The following ARL15 variants were observed in gnomAD, a reference collection of about 807,000 sequenced individuals.
ARL15 encodes the protein ARF like GTPase 15.
ARL15 carries 19 observed loss-of-function variants against 25.2 expected under a neutral mutation model. The ratio of observed to expected loss-of-function variants is 0.75; its 90% CI spans 0.53 to 1.10. The LOEUF (loss-of-function observed/expected upper bound fraction) is 1.10. ARL15 is among the 50% of genes least tolerant of loss of function. The pLI, the probability that ARL15 is intolerant of heterozygous loss-of-function variation, is 0.00. For missense variants in ARL15, 220 were observed against 246.0 expected, an observed-to-expected ratio of 0.89 and a Z score of 0.71; for synonymous variants, 94 against 86.8, an observed-to-expected ratio of 1.08 and a Z score of -0.46.
chr5:54,105,615 C>T (rs905485792), intron 4 of ARL15, among the ~76,000 whole-genome samples: 12 of 152,102 alleles, frequency 7.9e-5, no homozygotes, highest in Non-Finnish European at 1.5e-4. Flanking sequence ...CAGAGCCGCA[C>T]TCTGTCACCC....
intron 4 of ARL15, among the ~76,000 whole-genome samples, chr5:53,991,510 C>G (rs1259781587): frequency 1.1e-5 from 1 of 88,196 alleles, no homozygotes; most frequent in Non-Finnish European, 2.2e-5. Context: ...CCATTGCACT[C>G]TAGCCTGGGC....
intron 1 of ARL15, among the ~76,000 whole-genome samples, chr5:54,216,147 A>G (rs190878621): frequency 6.6e-6 from 1 of 152,340 alleles, no homozygotes; most frequent in East Asian, 1.9e-4. Context: ...CAAATATTTA[A>G]CAGGCATAAA....
intron 4 of ARL15, among the ~76,000 whole-genome samples, chr5:54,045,758 A>T (rs1750488951): frequency 6.6e-6 from 1 of 152,160 alleles, no homozygotes; most frequent in Non-Finnish European, 1.5e-5. Context: ...ATGACTTAGC[A>T]TTTACCCCCC....
intron 1 of ARL15, among the ~76,000 whole-genome samples, chr5:54,281,478 T>C (rs142168282): frequency 6.6e-6 from 1 of 152,298 alleles, no homozygotes; most frequent in East Asian, 1.9e-4. Context: ...TAGAACAGTT[T>C]CTCAACCTCA....
chr5:53,896,020 T>A lies in ARL15; in HGVS notation c.463-9307A>T, dbSNP rs1390471914. On this transcript the variant is annotated intron_variant, in intron 4 of 4. Transcript: ENST00000504924. ...GTATTAATATTGTGGGGTTATTTTA[T>A]CATTTTAATTTTACTTTTTAATGTT... Among the ~76,000 whole-genome samples, 4 of 152,316 alleles carry A rather than the reference T, an allele frequency of 2.6e-5. No homozygotes were observed. The South Asian group carries it at 8.3e-4, about 32-fold the overall frequency.
chr5:54,131,051 T>C (rs1277937465), intron 3 of ARL15, among the ~76,000 whole-genome samples: 1 of 152,214 alleles, frequency 6.6e-6, no homozygotes. Flanking sequence ...AGTGCTGAGA[T>C]CCCTGTAGCC....
At chr5:54,029,629 T>C (rs930032413) in intron 4 of ARL15, among the ~76,000 whole-genome samples, 3 of 152,070 alleles carry the variant, frequency 2.0e-5, no homozygotes, top group African/African-American at 7.2e-5. Flanking sequence ...GAGGCCAAGG[T>C]TGCAGGATCT....
At position 54,135,550 on chromosome 5, in the gene ARL15, G is replaced by T. The variant is rs185753219; in HGVS notation, c.253+19030C>A. Among the ~76,000 whole-genome samples the T allele has an allele frequency of 7.9e-5, 12 of 152,258 alleles. No individual in the cohort carries two copies. In the East Asian group the frequency reaches 2.1e-3, roughly 27 times the overall value. The stretch of plus-strand genomic sequence containing the variant: ...GGGAGCTGTACTATTTGTTAGTGTG[G>T]CTCCACAAGGCAGAGCTAAGATTAT... On this transcript the variant is annotated intron_variant, in intron 3 of 4. Transcript: ENST00000504924.
rs574933241 is a variant in ARL15 at position 54,205,345 on chromosome 5, C to T, written c.49-33417G>A. ...GCTAACAAGATCTGGGATTTGAACA[C>T]GAGTCTAATCTGCTTTCAAAACAAT... is the stretch of plus-strand genomic sequence containing the variant. On this transcript the variant is annotated intron_variant, in intron 1 of 4. Transcript: ENST00000504924. Among the ~76,000 whole-genome samples the T allele has an allele frequency of 5.9e-5, 9 of 152,244 alleles. No homozygotes were observed. In the East Asian group the frequency reaches 1.2e-3, roughly 20 times the overall value.
chr5:54,216,789 T>G (rs565599341), intron 1 of ARL15, among the ~76,000 whole-genome samples: 8 of 152,296 alleles, frequency 5.3e-5, no homozygotes, highest in Admixed American at 4.6e-4. Flanking sequence ...GCTGCAAATT[T>G]CTAGTTTATA....
intron 1 of ARL15, among the ~76,000 whole-genome samples, chr5:54,308,194 T>G (rs1222319087): frequency 6.6e-6 from 1 of 152,224 alleles, no homozygotes; most frequent in Non-Finnish European, 1.5e-5. Flanking sequence ...TTTTTTGTTT[T>G]GAGATGGTTT....
At chr5:54,215,598 G>A (rs1019142787) in intron 1 of ARL15, among the ~76,000 whole-genome samples, 13 of 132,380 alleles carry the variant, frequency 9.8e-5, no homozygotes, top group African/African-American at 3.3e-4. Flanking sequence ...GACTTAGTGC[G>A]ACTCAAGCTA....
chr5:53,992,149 C>A lies in ARL15; in HGVS notation c.463-105436G>T, dbSNP rs117612936. Among the ~76,000 whole-genome samples, 415 of 152,256 alleles carry A rather than the reference C, an allele frequency of 2.7e-3. 11 individuals are homozygous for A. In the East Asian group the frequency reaches 0.064, roughly 23 times the overall value. On this transcript the variant is annotated intron_variant, in intron 4 of 4. Transcript: ENST00000504924. The stretch of plus-strand genomic sequence containing the variant: ...ATCGTCAAAAGGAATGTAGCGCCAT[C>A]TAATGTTGAAGCTGTGAACTACCTC...
chr5:54,095,657 C>T (rs906372706), intron 4 of ARL15, among the ~76,000 whole-genome samples: 1 of 152,028 alleles, frequency 6.6e-6, no homozygotes, highest in Admixed American at 6.6e-5. Context: ...GCTTTCTCCC[C>T]CCAAGTACTA....
intron 1 of ARL15, among the ~76,000 whole-genome samples, chr5:54,309,494 A>G (rs1758842109): frequency 6.6e-6 from 1 of 152,234 alleles, no homozygotes; most frequent in Non-Finnish European, 1.5e-5. Flanking sequence ...TGTGTCCAAC[A>G]AGATGACAGG....
chr5:54,173,353 T>A (rs1408047405), intron 1 of ARL15, among the ~76,000 whole-genome samples: 1 of 151,826 alleles, frequency 6.6e-6, no homozygotes, highest in Non-Finnish European at 1.5e-5. Context: ...GAATGATTCA[T>A]GAGAGAAAGA....
At chr5:53,890,271 A>T (rs1464454102) in intron 4 of ARL15, among the ~76,000 whole-genome samples, 2 of 152,164 alleles carry the variant, frequency 1.3e-5, no homozygotes, top group African/African-American at 2.4e-5. Context: ...AATAGTGTTT[A>T]ACTTTGAACA....
intron 1 of ARL15, among the ~76,000 whole-genome samples, chr5:54,271,748 C>T (rs983237637): frequency 2.0e-5 from 3 of 152,076 alleles, no homozygotes; most frequent in Non-Finnish European, 4.4e-5. Flanking sequence ...CCACAGTATA[C>T]AATAAGCATA....
At chr5:54,211,240 C>T (rs1306296421) in intron 1 of ARL15, among the ~76,000 whole-genome samples, 2 of 152,026 alleles carry the variant, frequency 1.3e-5, no homozygotes, top group Non-Finnish European at 2.9e-5. Context: ...TTCCACCAGA[C>T]CACAAAGGGC....
Sources: gnomAD v4.1 joint callset for allele counts (sites outside exome capture counted in the v4.1 genomes callset) on GRCh38, gnomAD v4.1.1 for gene constraint, MANE v1.5 for transcripts, NCBI Gene and HGNC (gene_info 2026-07-23, HGNC 2026-07-21) for gene names.